The following EVA1A variants were observed in gnomAD, a reference collection of about 807,000 sequenced individuals.
EVA1A encodes eva-1 homolog A, regulator of programmed cell death.
In EVA1A, 7 loss-of-function variants were observed where a neutral mutation model predicts 9.8. That is an observed-to-expected ratio of 0.71 (90% CI 0.41 to 1.34). EVA1A has a LOEUF of 1.34. EVA1A is among the 40% of genes most tolerant of loss of function. The pLI is 0.01. For synonymous variants in EVA1A, 90 were observed against 85.6 expected (o/e 1.05, Z -0.28); for missense variants, 206 against 205.9 (o/e 1.00, Z 0.00).
chr2:75,519,550 A>T (rs1675162182), intron 2 of EVA1A, among the ~76,000 whole-genome samples: 1 of 152,176 alleles, frequency 6.6e-6, no homozygotes, highest in African/African-American at 2.4e-5. Flanking sequence ...CAGGAGAAGG[A>T]GTGGGAGCTC....
At chr2:75,522,787 C>T (rs1460549856) in intron 1 of EVA1A, among the ~76,000 whole-genome samples, 2 of 152,180 alleles carry the variant, frequency 1.3e-5, no homozygotes, top group African/African-American at 4.8e-5. Flanking sequence ...CACAAAACAG[C>T]TAGTGTGGGA....
At chr2:75,522,985 A>G (rs967999112) in intron 1 of EVA1A, among the ~76,000 whole-genome samples, 2 of 152,214 alleles carry the variant, frequency 1.3e-5, no homozygotes, top group South Asian at 2.1e-4. Flanking sequence ...CTTCCTTGCT[A>G]AAGTGTCAAG....
upstream of EVA1A, among the ~76,000 whole-genome samples, chr2:75,563,474 A>C (rs993599861): frequency 6.6e-6 from 1 of 152,220 alleles, no homozygotes; most frequent in Non-Finnish European, 1.5e-5. Flanking sequence ...TCATGCTTGC[A>C]TGCACACGTG....
At chr2:75,558,748 C>A (rs1014013664) in intron 1 of EVA1A, 3 of 152,194 alleles carry the variant, frequency 2.0e-5, no homozygotes, top group Non-Finnish European at 4.4e-5. Flanking sequence ...GGAACATTGA[C>A]GAAGTGGCAT....
intron 1 of EVA1A, among the ~76,000 whole-genome samples, chr2:75,569,144 T>C (rs1677079631): frequency 6.6e-6 from 1 of 152,150 alleles, no homozygotes; most frequent in African/African-American, 2.4e-5. Context: ...TTTGACATTT[T>C]AATTATTTAA....
chr2:75,505,917 C>T, intron 3 of EVA1A, among the ~76,000 whole-genome samples: 1 of 145,380 alleles, frequency 6.9e-6, no homozygotes, highest in East Asian at 2.0e-4. Context: ...TTTGTTCTTT[C>T]TCTATCATAT....
At chr2:75,535,913 A>G in intron 1 of EVA1A, among the ~76,000 whole-genome samples, 1 of 152,150 alleles carries the variant, frequency 6.6e-6, no homozygotes, top group Admixed American at 6.5e-5. Flanking sequence ...AAATACTTGT[A>G]CCTCTAAAGC....
rs1193878653 is a variant in EVA1A, at chr2:75,493,208, C to T, written c.*28G>A. ...AGACGCTCTCCTTTCCAGGCGGCCT[C>T]CAGTGGTTTCCGGGGTCCTGCTGCT... On this transcript the variant is annotated 3_prime_UTR_variant, in exon 4 of 4. Coordinates refer to ENST00000393913, the MANE Select transcript of EVA1A (RefSeq NM_001135032.2). 7 of 1,585,022 alleles carry T rather than the reference C, an allele frequency of 4.4e-6. No individual in the cohort carries two copies. Among genetic ancestry groups the T allele is most frequent in the Non-Finnish European group, 6.0e-6 (7 of 1,164,850 alleles).
intron 1 of EVA1A, among the ~76,000 whole-genome samples, chr2:75,546,973 T>C (rs1676354462): frequency 6.6e-6 from 1 of 151,444 alleles, no homozygotes; most frequent in African/African-American, 2.4e-5. Context: ...GGACAGATCT[T>C]TCCCTAGAGC....
chr2:75,544,880 T>G (rs907881670), intron 1 of EVA1A, among the ~76,000 whole-genome samples: 1 of 152,260 alleles, frequency 6.6e-6, no homozygotes. Flanking sequence ...TTAAAAGTGC[T>G]ATAATTTCCA....
At chr2:75,546,237 G>A (rs1676324900) in intron 1 of EVA1A, among the ~76,000 whole-genome samples, 1 of 152,144 alleles carries the variant, frequency 6.6e-6, no homozygotes, top group South Asian at 2.1e-4. Flanking sequence ...CTATTTGCTT[G>A]TGTGGCCTCC....
intron 1 of EVA1A, among the ~76,000 whole-genome samples, chr2:75,528,778 A>G (rs939001528): frequency 6.6e-6 from 1 of 152,116 alleles, no homozygotes; most frequent in African/African-American, 2.4e-5. Context: ...AGGTGACCTT[A>G]GGGCAAGCTT....
chr2:75,496,562 C>T (rs115305947), intron 3 of EVA1A, among the ~76,000 whole-genome samples: 3,124 of 152,220 alleles, frequency 0.021, 96 homozygotes, highest in African/African-American at 0.063. Context: ...ATACTCCATG[C>T]TCATGGATTG....
At chr2:75,501,809 C>G (rs771863780) in intron 3 of EVA1A, among the ~76,000 whole-genome samples, 5 of 152,226 alleles carry the variant, frequency 3.3e-5, no homozygotes, top group Non-Finnish European at 5.9e-5. Flanking sequence ...GTGATTGGCA[C>G]TGTACATCCA....
At chr2:75,557,942 CTTA>C (rs1201529607) in intron 1 of EVA1A, among the ~76,000 whole-genome samples, 4 of 152,266 alleles carry the variant, frequency 2.6e-5, no homozygotes, top group Admixed American at 2.0e-4. Flanking sequence ...TAACTGAGCA[CTTA>C]TTATATGCCA....
chr2:75,494,286 G>T (rs1046784638), intron 3 of EVA1A, among the ~76,000 whole-genome samples: 1 of 152,180 alleles, frequency 6.6e-6, no homozygotes. Flanking sequence ...CTTCTGCAGG[G>T]TCATCTGCAG....
At chr2:75,506,940 G>T (rs1197444613) in intron 3 of EVA1A, among the ~76,000 whole-genome samples, 2 of 152,200 alleles carry the variant, frequency 1.3e-5, no homozygotes, top group South Asian at 2.1e-4. Context: ...TGCAGAGGAA[G>T]AACCTACCAC....
Position 75,524,939 on chromosome 2 carries a change from T to C in EVA1A, c.-191-2452A>G, listed in dbSNP as rs185961608. Among the ~76,000 whole-genome samples the C allele has an allele frequency of 3.1e-3, 468 of 152,274 alleles. 3 individuals carry two copies. Among genetic ancestry groups the C allele is most frequent in the African/African-American group, 0.011 (444 of 41,562 alleles). On this transcript the variant is annotated intron_variant, in intron 1 of 3. Transcript: ENST00000393913. ...ATAGATAGACAGGTAGGTAGATAAA[T>C]AGATAATATGTATATAGAGTGATTA...
chr2:75,500,046 C>A (rs1273321262), intron 3 of EVA1A, among the ~76,000 whole-genome samples: 3 of 152,142 alleles, frequency 2.0e-5, no homozygotes, highest in Non-Finnish European at 2.9e-5. Context: ...CCATTGCTTC[C>A]CCCATTTCGC....
Sources: allele counts gnomAD v4.1 joint callset (sites outside exome capture counted in the v4.1 genomes callset), GRCh38; gene constraint gnomAD v4.1.1; transcripts MANE v1.5; gene names NCBI Gene and HGNC (gene_info 2026-07-23, HGNC 2026-07-21).